ITPR2: variants seen among roughly 807,000 people sequenced by gnomAD.
The protein encoded by ITPR2 is inositol 1,4,5-trisphosphate receptor type 2.
A neutral mutation model predicts 317.1 loss-of-function variants in ITPR2; 207 were observed. The observed-to-expected ratio is 0.65, with a 90% CI of 0.58 to 0.73. The LOEUF is 0.73. Ranked by LOEUF, ITPR2 falls within the 30% of genes least tolerant of loss-of-function variation. The probability of loss-of-function intolerance (pLI) is 0.00; values close to 1 mark genes in which losing one functional copy is unlikely to be tolerated. For missense variants in ITPR2, 2,613 were observed against 3,284.0 expected, an observed-to-expected ratio of 0.80 and a Z score of 4.99; for synonymous variants, 1,156 against 1,149.1, an observed-to-expected ratio of 1.01 and a Z score of -0.12.
chr12:26,653,911 G>A (rs915938405), intron 21 of ITPR2, 65 bp downstream of exon 21: 1 of 1,369,736 alleles, frequency 7.3e-7, no homozygotes, highest in Non-Finnish European at 1.0e-6. Context: ...CTTCTCTGTA[G>A]TTTTGTTTTT....
intron 37 of ITPR2, among the ~76,000 whole-genome samples, chr12:26,511,057 T>A (rs1402492008): frequency 6.6e-6 from 1 of 152,262 alleles, no homozygotes; most frequent in African/African-American, 2.4e-5. Context: ...AAATTCACTA[T>A]CATCTTGACT....
At chr12:26,758,728 T>C (rs529901320) in intron 2 of ITPR2, among the ~76,000 whole-genome samples, 50 of 152,330 alleles carry the variant, frequency 3.3e-4, no homozygotes, top group African/African-American at 1.1e-3. Flanking sequence ...ACTTACATAC[T>C]CTTCCCTCAT....
intron 39 of ITPR2, among the ~76,000 whole-genome samples, chr12:26,489,054 T>C (rs909192843): frequency 1.3e-5 from 2 of 152,174 alleles, no homozygotes; most frequent in Non-Finnish European, 2.9e-5. Context: ...AATGCTAGAT[T>C]ATTTACATAG....
intron 1 of ITPR2, among the ~76,000 whole-genome samples, chr12:26,793,819 G>A (rs1000973264): frequency 5.9e-5 from 9 of 152,140 alleles, no homozygotes; most frequent in Admixed American, 2.6e-4. Flanking sequence ...TATTCCCTAT[G>A]TAGGTATGTC....
At chr12:26,450,972 T>G (rs1457510513) in intron 45 of ITPR2, among the ~76,000 whole-genome samples, 1 of 152,126 alleles carries the variant, frequency 6.6e-6, no homozygotes, top group Non-Finnish European at 1.5e-5. Context: ...CAAATCTGTG[T>G]TTCTTGGAAA....
chr12:26,765,258 T>C (rs1949699557), intron 2 of ITPR2, among the ~76,000 whole-genome samples: 1 of 152,116 alleles, frequency 6.6e-6, no homozygotes, highest in South Asian at 2.1e-4. Context: ...CTATGTTAAT[T>C]ATAAATTTTA....
chr12:26,622,697 G>A (rs2136808698), intron 24 of ITPR2, among the ~76,000 whole-genome samples: 1 of 152,288 alleles, frequency 6.6e-6, no homozygotes, highest in South Asian at 2.1e-4. Flanking sequence ...GACAAAAGAT[G>A]GGCATCTGCA....
chr12:26,809,362 C>T (rs1219569552), intron 1 of ITPR2, among the ~76,000 whole-genome samples: 1 of 152,218 alleles, frequency 6.6e-6, no homozygotes. Context: ...ACTTATTTCT[C>T]AACCTTCAGC....
At chr12:26,465,593 G>C (rs1253137160) in intron 45 of ITPR2, among the ~76,000 whole-genome samples, 1 of 150,734 alleles carries the variant, frequency 6.6e-6, no homozygotes, top group Non-Finnish European at 1.5e-5. Flanking sequence ...GTATCTCTCT[G>C]TTCCTCTTGC....
At chr12:26,422,543 GT>G (rs1466123589) in intron 49 of ITPR2, among the ~76,000 whole-genome samples, 1 of 152,084 alleles carries the variant, frequency 6.6e-6, no homozygotes, top group Non-Finnish European at 1.5e-5. Flanking sequence ...ACAGGACTTT[GT>G]TTTCTCACAT....
At chr12:26,735,693 G>A (rs1949108689) in intron 2 of ITPR2, among the ~76,000 whole-genome samples, 1 of 152,232 alleles carries the variant, frequency 6.6e-6, no homozygotes. Flanking sequence ...ACTTCTGGAA[G>A]TCTGCACATG....
At position 26,415,436 on chromosome 12, in the gene ITPR2, A is replaced by G. The variant is rs199600768; in HGVS notation, c.7173T>C (p.Asn2391=). Residue 2391 remains asparagine (N), a synonymous_variant, in exon 51 of 57, where the codon AAT becomes AAC. Transcript: ENST00000381340. ...CTGCAGTTAGAATAATAGAGCGGCC[A>G]TTTCGTGTGACACTTTTTATGACAT... ...LLNVIKSVTR[N]GRSIILTAVL... is the part of the protein sequence containing the mutation. The G allele has an allele frequency of 3.1e-6, 5 of 1,611,492 alleles. No homozygotes were observed. Among genetic ancestry groups the G allele is most frequent in the Non-Finnish European group, 2.5e-6 (3 of 1,178,528 alleles).
intron 21 of ITPR2, among the ~76,000 whole-genome samples, chr12:26,633,717 G>A (rs1292607948): frequency 6.6e-6 from 1 of 152,172 alleles, no homozygotes; most frequent in South Asian, 2.1e-4. Flanking sequence ...AGGCACATCT[G>A]GTTGTTGGCA....
intron 5 of ITPR2, chr12:26,721,228 C>T: frequency 2.2e-6 from 1 of 457,412 alleles, no homozygotes; most frequent in Middle Eastern, 2.9e-4. Flanking sequence ...GAAATCCAAC[C>T]AACACAAGAC....
chr12:26,671,930 A>G (rs1431286630), intron 13 of ITPR2, among the ~76,000 whole-genome samples: 14 of 152,176 alleles, frequency 9.2e-5, no homozygotes, highest in Non-Finnish European at 5.9e-5. Flanking sequence ...CTTTAAACCA[A>G]CAAAGATCAA....
chr12:26,376,518 T>C (rs1939348139), intron 55 of ITPR2, among the ~76,000 whole-genome samples: 1 of 152,176 alleles, frequency 6.6e-6, no homozygotes, highest in African/African-American at 2.4e-5. Context: ...TTATTGTTGC[T>C]GGGTAATAAA....
At chr12:26,725,823 T>C in intron 2 of ITPR2, 58 bp from the exon 3 acceptor site, 1 of 1,146,478 alleles carries the variant, frequency 8.7e-7, no homozygotes, top group South Asian at 1.3e-5. Context: ...TTTCTTAGAT[T>C]TCCCTTATAG....
rs147938880 is a variant in ITPR2, at chr12:26,652,174, T to C, written c.2740+1802A>G. On this transcript the variant is annotated intron_variant, in intron 21 of 56. Coordinates refer to ENST00000381340, the MANE Select transcript of ITPR2 (RefSeq NM_002223.4). The stretch of plus-strand genomic sequence containing the variant: ...CTTCCCCAGTTTCTCCAAAAACCAC[T>C]CACCATCCTCAAAGCTTGCAATGGG... Among the ~76,000 whole-genome samples, 303 of 152,276 alleles carry C rather than the reference T, an allele frequency of 2.0e-3. 1 individual carries two copies. The highest frequency in any genetic ancestry group is 7.0e-3 in the African/African-American group (292 of 41,554).
intron 55 of ITPR2, among the ~76,000 whole-genome samples, chr12:26,378,044 G>A (rs12829066): frequency 0.33 from 50,640 of 151,628 alleles, 8,680 homozygotes; most frequent in Non-Finnish European, 0.37. Context: ...TTTGTTCAAC[G>A]AATTTATGCT....
Sources: allele counts gnomAD v4.1 joint callset (sites outside exome capture counted in the v4.1 genomes callset), GRCh38; gene constraint gnomAD v4.1.1; transcripts MANE v1.5; gene names NCBI Gene and HGNC (gene_info 2026-07-23, HGNC 2026-07-21).